The following THUMPD2 variants were observed in gnomAD, a reference collection of about 807,000 sequenced individuals.
THUMPD2 encodes THUMP domain 2 tRNA and snRNA guanosine methyltransferase, also known as U6 snRNA (guanine-N(2))-methyltransferase THUMPD2.
A neutral mutation model predicts 49.4 loss-of-function variants in THUMPD2; 56 were observed. That is an observed-to-expected ratio of 1.13 (90% confidence interval 0.91 to 1.41). THUMPD2 has a LOEUF of 1.41. Ranked by LOEUF, THUMPD2 falls within the 40% of genes most tolerant of loss-of-function variation. The pLI is 0.00. For missense variants in THUMPD2, 709 were observed against 594.5 expected (o/e 1.19, Z -2.00); for synonymous variants, 237 against 205.2 (o/e 1.15, Z -1.32).
intron 4 of THUMPD2, 44 bp from the exon 5 acceptor site, chr2:39,766,153 A>G (rs1363664326): frequency 7.4e-7 from 1 of 1,352,960 alleles, no homozygotes; most frequent in Non-Finnish European, 1.0e-6. Flanking sequence ...AAGAAACTTC[A>G]TTACCAAATT....
chr2:39,739,602 CT>C (rs1479911446), intron 9 of THUMPD2, among the ~76,000 whole-genome samples: 1 of 152,230 alleles, frequency 6.6e-6, no homozygotes, highest in African/African-American at 2.4e-5. Flanking sequence ...GTCGTATTCA[CT>C]GCTGTAATCC....
chr2:39,755,668 A>C (rs1676001732), intron 7 of THUMPD2, among the ~76,000 whole-genome samples: 1 of 152,198 alleles, frequency 6.6e-6, no homozygotes, highest in Non-Finnish European at 1.5e-5. Flanking sequence ...GTCATGACTA[A>C]TGATTAGAAT....
chr2:39,771,210 T>C (rs1678269068), intron 2 of THUMPD2, among the ~76,000 whole-genome samples: 3 of 152,124 alleles, frequency 2.0e-5, no homozygotes, highest in Admixed American at 1.3e-4. Context: ...TCCAAATAAA[T>C]GCAACTGACC....
chr2:39,771,619 C>T lies in THUMPD2; in HGVS notation c.148G>A (p.Val50Ile). ...AAATCAGAACAGGTGGTGAAAAAAA[C>T]CTTTCCTGAAATATATTCAACCTAG... ...ATQVEYISGK[V>I]FFTTCSDLNM... The change falls in exon 2 of 10, where the codon GTT becomes ATT. Residue 50 changes from valine (V) to isoleucine (I), a missense_variant. Coordinates refer to ENST00000505747, the MANE Select transcript of THUMPD2 (RefSeq NM_025264.5). The T allele has an allele frequency of 6.2e-7, 1 of 1,602,448 alleles. No individual in the cohort carries two copies. Among genetic ancestry groups the T allele is most frequent in the South Asian group, 1.1e-5 (1 of 87,882 alleles).
Position 39,769,041 on chromosome 2 carries a change from G to T in THUMPD2, c.673-540C>A, listed in dbSNP as rs1375328252. On this transcript the variant is annotated intron_variant, in intron 3 of 9. Transcript: ENST00000505747. ...TGTTCGCTCTTCTCTACATTGCTGA[G>T]ACCTCATGTGCATTTGCAGTCTAGG... 3.1e-6 allele frequency: 4 copies of T among 1,304,658 alleles called. No individual in the cohort carries two copies. The South Asian group carries it at 4.9e-5, about 16-fold the overall frequency. The allele number at this position is 1,304,658 out of a possible 1,614,324, so 80.8% of individuals were successfully genotyped here. A position where few individuals can be genotyped will look rare whatever the true frequency, so the allele number is the denominator to read the frequency against.
intron 5 of THUMPD2, among the ~76,000 whole-genome samples, chr2:39,762,454 C>A (rs1447927839): frequency 1.3e-5 from 2 of 151,844 alleles, no homozygotes; most frequent in African/African-American, 4.8e-5. Context: ...ATGATATACC[C>A]CTTTAAAATA....
chr2:39,768,243 T>A lies in THUMPD2; in HGVS notation c.750+181A>T, dbSNP rs143534528. Among the ~76,000 whole-genome samples the A allele has an allele frequency of 5.2e-3, 797 of 152,288 alleles. 6 individuals are homozygous for A. The highest frequency in any genetic ancestry group is 0.018 in the African/African-American group (761 of 41,562). The stretch of plus-strand genomic sequence containing the variant: ...GAGTTTGCATAAGACATTTTCTCAG[T>A]GAAAACTGCTAGCAAAACTATCTGT... On this transcript the variant is annotated intron_variant, in intron 4 of 9. Transcript: ENST00000505747.
Position 39,779,211 on chromosome 2 carries a change from G to T in THUMPD2, c.29C>A (p.Ser10Tyr), listed in dbSNP as rs1371997643. 1.7e-5 allele frequency: 26 copies of T among 1,506,404 alleles called. No homozygotes were observed. Among genetic ancestry groups the T allele is most frequent in the Non-Finnish European group, 2.3e-5 (26 of 1,133,506 alleles). The allele number at this position is 1,506,404 out of a possible 1,614,324, so 93.3% of individuals were successfully genotyped here. The part of the protein sequence containing the change: MSEARGEPG[S>Y]GPEAGARFFC... ...GAATCGGGCGCCAGCCTCAGGCCCG[G>T]ACCCTGGCTCTCCACGCGCCTCCGA... The change falls in exon 1 of 10, where the codon TCC becomes TAC. Residue 10 changes from serine (S) to tyrosine (Y), a missense_variant. By Grantham distance (144) the Ser-to-Tyr change is moderately radical. Coordinates refer to ENST00000505747, the MANE Select transcript of THUMPD2 (RefSeq NM_025264.5).
At chr2:39,776,673 G>A (rs759745042) in intron 1 of THUMPD2, among the ~76,000 whole-genome samples, 2 of 152,170 alleles carry the variant, frequency 1.3e-5, no homozygotes, top group Non-Finnish European at 2.9e-5. Context: ...TTACAGGCAT[G>A]AGCCACTATA....
intron 6 of THUMPD2, 92 bp downstream of exon 6, chr2:39,761,239 G>C (rs1676783326): frequency 9.7e-6 from 11 of 1,129,742 alleles, no homozygotes; most frequent in Non-Finnish European, 1.4e-5. Flanking sequence ...AAAAGAAAAA[G>C]CAAGTAACAT....
chr2:39,738,528 C>A (rs1464403513), intron 9 of THUMPD2, among the ~76,000 whole-genome samples: 1 of 151,680 alleles, frequency 6.6e-6, no homozygotes, highest in Non-Finnish European at 1.5e-5. Context: ...TGCACCACTG[C>A]ACTCTAGTCT....
chr2:39,745,772 A>C (rs1450051156), intron 8 of THUMPD2, among the ~76,000 whole-genome samples: 1 of 152,222 alleles, frequency 6.6e-6, no homozygotes, highest in African/African-American at 2.4e-5. Flanking sequence ...TGCTTTAAAT[A>C]AATTTAGAAG....
intron 8 of THUMPD2, 194 bp from the exon 9 acceptor site, chr2:39,744,672 TTC>T (rs1250367585): frequency 2.8e-4 from 105 of 379,192 alleles, no homozygotes; most frequent in African/African-American, 2.2e-3. Context: ...AGTTATTGTA[TTC>T]TGTTCGTTGA....
intron 8 of THUMPD2, among the ~76,000 whole-genome samples, chr2:39,751,606 A>C (rs1558502975): frequency 6.6e-6 from 1 of 152,118 alleles, no homozygotes; most frequent in East Asian, 1.9e-4. Context: ...AAAACTTATA[A>C]TATTCATTTG....
intron 1 of THUMPD2, among the ~76,000 whole-genome samples, chr2:39,772,209 C>T (rs1471827372): frequency 6.6e-6 from 1 of 152,122 alleles, no homozygotes; most frequent in African/African-American, 2.4e-5. Flanking sequence ...GGGGTGAAAA[C>T]CTGGCTGAAG....
intron 5 of THUMPD2, among the ~76,000 whole-genome samples, chr2:39,763,453 G>C (rs561210901): frequency 4.6e-5 from 7 of 152,152 alleles, no homozygotes; most frequent in African/African-American, 1.7e-4. Flanking sequence ...CTGAACTCTA[G>C]ATCTGTAACT....
intron 7 of THUMPD2, 127 bp from the exon 8 acceptor site, chr2:39,755,536 A>C: frequency 1.6e-6 from 1 of 625,462 alleles, no homozygotes; most frequent in Non-Finnish European, 2.7e-6. Flanking sequence ...GTCAAAACAC[A>C]TTTAGGGTAT....
rs1054118670 is a variant in THUMPD2 at position 39,747,703 on chromosome 2, T to C, written c.1079-3225A>G. Among the ~76,000 whole-genome samples the C allele has an allele frequency of 2.6e-5, 4 of 152,216 alleles. 1 individual carries two copies. The highest frequency in any genetic ancestry group is 1.3e-4 in the Admixed American group (2 of 15,284). On this transcript the variant is annotated intron_variant, in intron 8 of 9. Coordinates refer to ENST00000505747, the MANE Select transcript of THUMPD2 (RefSeq NM_025264.5). ...ATAATTTGCCTACAGTGCTAATATC[T>C]GAACAAGTTCTAGTAAATGAAATAT...
rs766395792 is a variant in THUMPD2, at chr2:39,736,999, A to C, written c.1248T>G (p.Leu416=). Residue 416 remains leucine, a synonymous_variant, in exon 10 of 10, where the codon CTT becomes CTG. Coordinates refer to ENST00000505747, the MANE Select transcript of THUMPD2 (RefSeq NM_025264.5). Reference sequence around the variant, plus strand: ...GGATGTTGCTCTCTTTACAATCTGTAAGGCGCCTGTGGTGATCTTCACTAA... The same window carrying C: ...GGATGTTGCTCTCTTTACAATCTGTCAGGCGCCTGTGGTGATCTTCACTAA... ...LLLSEDHHRR[L]TDCKESNIPF... The C allele has an allele frequency of 6.2e-7, 1 of 1,614,122 alleles. No individual in the cohort carries two copies. The highest frequency in any genetic ancestry group is 1.1e-5 in the South Asian group (1 of 91,080).
Sources: allele counts gnomAD v4.1 joint callset (sites outside exome capture counted in the v4.1 genomes callset), GRCh38; gene constraint gnomAD v4.1.1; transcripts MANE v1.5; gene names NCBI Gene and HGNC (gene_info 2026-07-23, HGNC 2026-07-21).